The following GALNT14 variants were observed in gnomAD, a reference collection of about 807,000 sequenced individuals.
GALNT14 encodes polypeptide N-acetylgalactosaminyltransferase 14.
In GALNT14, 60 loss-of-function variants were observed where a neutral mutation model predicts 77.5. That is an observed-to-expected ratio of 0.77 (90% confidence interval 0.63 to 0.96). GALNT14 has a LOEUF of 0.96. GALNT14 is among the 40% of genes least tolerant of loss of function. The pLI is 0.00. For synonymous variants in GALNT14, 280 were observed against 281.7 expected, an observed-to-expected ratio of 0.99 and a Z score of 0.06; for missense variants, 710 against 731.0, an observed-to-expected ratio of 0.97 and a Z score of 0.33.
At chr2:31,019,835 C>A (rs761672402) in intron 1 of GALNT14, among the ~76,000 whole-genome samples, 2 of 152,058 alleles carry the variant, frequency 1.3e-5, no homozygotes, top group Admixed American at 6.6e-5. Context: ...AGGGTCATTG[C>A]GGGAATTAAG....
intron 13 of GALNT14, among the ~76,000 whole-genome samples, chr2:30,920,676 C>T (rs1001077174): frequency 6.6e-6 from 1 of 151,936 alleles, no homozygotes; most frequent in Non-Finnish European, 1.5e-5. Flanking sequence ...GGCACACATA[C>T]TCAGGGAGAT....
the GALNT14 span, among the ~76,000 whole-genome samples, chr2:30,894,212 T>A: frequency 2.0e-5 from 3 of 152,168 alleles, no homozygotes; most frequent in Admixed American, 2.0e-4. Flanking sequence ...CTCACAGCAG[T>A]TACAGGCAGG....
At chr2:30,979,232 T>G (rs1042775817) in intron 2 of GALNT14, among the ~76,000 whole-genome samples, 1 of 152,084 alleles carries the variant, frequency 6.6e-6, no homozygotes, top group Admixed American at 6.5e-5. Context: ...GCGGCTGAGT[T>G]TGGCAGCAAG....
rs573596428 is a variant in GALNT14 at position 30,956,086 on chromosome 2, C to T, written c.467-109G>A. 6.7e-5 allele frequency: 70 copies of T among 1,042,800 alleles called. No individual in the cohort carries two copies. The African/African-American group carries it at 8.8e-4, about 13-fold the overall frequency. The allele number at this position is 1,042,800 out of a possible 1,614,324, so 64.6% of individuals were successfully genotyped here. On this transcript the variant is annotated intron_variant, in intron 4 of 14. Transcript: ENST00000349752. Reference sequence around the variant, plus strand: ...AGGGTAGGTGAGGCAGCCCTGTCCACTGTCCCCTAACTGCAGAGTGCAGTC... The same window carrying T: ...AGGGTAGGTGAGGCAGCCCTGTCCATTGTCCCCTAACTGCAGAGTGCAGTC...
intron 6 of GALNT14, among the ~76,000 whole-genome samples, chr2:30,954,293 C>A (rs1667222230): frequency 6.6e-6 from 1 of 152,212 alleles, no homozygotes; most frequent in South Asian, 2.1e-4. Context: ...GGCCCTTCAA[C>A]ATTTCCCAAT....
chr2:31,128,980 A>AC lies in GALNT14; in HGVS notation c.129+8977_129+8978insG, dbSNP rs1553382276. ...AAAAATAAAATTGAAAAAAAAAAAA[A>AC]ACACACAAAGCAATGCTGGTGTTTC... On this transcript the variant is annotated intron_variant, in intron 1 of 14. Transcript: ENST00000349752. Among the ~76,000 whole-genome samples the AC allele has an allele frequency of 3.1e-3, 471 of 151,394 alleles. 4 individuals are homozygous for AC. The highest frequency in any genetic ancestry group is 0.026 in the East Asian group (135 of 5,164).
At chr2:30,958,688 C>T (rs992883996) in intron 3 of GALNT14, among the ~76,000 whole-genome samples, 1 of 152,100 alleles carries the variant, frequency 6.6e-6, no homozygotes, top group African/African-American at 2.4e-5. Context: ...AGACAGAAGC[C>T]CAGGAGTTAA....
intron 1 of GALNT14, among the ~76,000 whole-genome samples, chr2:31,021,718 C>G (rs1402778929): frequency 6.6e-6 from 1 of 152,210 alleles, no homozygotes; most frequent in Non-Finnish European, 1.5e-5. Flanking sequence ...TGCAATCACT[C>G]TGCAGACCAT....
intron 1 of GALNT14, among the ~76,000 whole-genome samples, chr2:31,041,165 G>A (rs1303004140): frequency 1.3e-5 from 2 of 152,260 alleles, no homozygotes; most frequent in East Asian, 3.9e-4. Flanking sequence ...ACATTTTTAT[G>A]AAGCACTCAC....
At chr2:30,887,192 G>A in the GALNT14 span, among the ~76,000 whole-genome samples, 386 of 152,218 alleles carry the variant, frequency 2.5e-3, no homozygotes, top group African/African-American at 8.7e-3. Context: ...AAGTGTTTGT[G>A]CATGTATTTA....
At chr2:30,927,358 A>G (rs1445063177) in intron 11 of GALNT14, among the ~76,000 whole-genome samples, 2 of 152,226 alleles carry the variant, frequency 1.3e-5, no homozygotes, top group East Asian at 1.9e-4. Flanking sequence ...GCAGCATTGC[A>G]TCACCTGCAG....
chr2:31,059,849 C>T (rs147375174), intron 1 of GALNT14, among the ~76,000 whole-genome samples: 8 of 152,334 alleles, frequency 5.3e-5, no homozygotes, highest in African/African-American at 1.9e-4. Flanking sequence ...CTTGGACTTC[C>T]CAGCCTTCAT....
chr2:31,083,363 G>T, intron 1 of GALNT14, among the ~76,000 whole-genome samples: 1 of 152,188 alleles, frequency 6.6e-6, no homozygotes, highest in East Asian at 1.9e-4. Flanking sequence ...ATCATGGTCT[G>T]GCTTTTCCCT....
intron 11 of GALNT14, 65 bp downstream of exon 11, chr2:30,929,330 G>GC: frequency 7.1e-6 from 9 of 1,276,500 alleles, no homozygotes; most frequent in Non-Finnish European, 1.0e-5. Flanking sequence ...GCACCCATTT[G>GC]CATCGGTCCT....
chr2:31,022,917 G>A (rs1024382080), intron 1 of GALNT14, among the ~76,000 whole-genome samples: 1 of 152,132 alleles, frequency 6.6e-6, no homozygotes, highest in African/African-American at 2.4e-5. Flanking sequence ...ATCAGCATGC[G>A]CTCTGTCTGC....
intron 1 of GALNT14, among the ~76,000 whole-genome samples, chr2:31,031,611 A>G (rs1447840904): frequency 6.6e-6 from 1 of 152,174 alleles, no homozygotes; most frequent in Admixed American, 6.5e-5. Flanking sequence ...AAGTTGAAGA[A>G]ATCTAGTCCC....
chr2:31,107,458 T>A (rs774580386), intron 1 of GALNT14, among the ~76,000 whole-genome samples: 1 of 152,128 alleles, frequency 6.6e-6, no homozygotes, highest in Non-Finnish European at 1.5e-5. Context: ...TTCCACAGAT[T>A]GTATCTATCC....
At chr2:30,947,621 A>G (rs1183078161) in intron 6 of GALNT14, among the ~76,000 whole-genome samples, 1 of 152,212 alleles carries the variant, frequency 6.6e-6, no homozygotes, top group Admixed American at 6.5e-5. Context: ...CATCAAAACC[A>G]GCAGGTCCCT....
chr2:31,002,658 G>A (rs149033301), intron 1 of GALNT14, among the ~76,000 whole-genome samples: 377 of 152,236 alleles, frequency 2.5e-3, no homozygotes, highest in African/African-American at 8.6e-3. Context: ...AGAGGGAGAC[G>A]GTGCAACATA....
Sources: allele counts gnomAD v4.1 joint callset (sites outside exome capture counted in the v4.1 genomes callset), GRCh38; gene constraint gnomAD v4.1.1; transcripts MANE v1.5; gene names NCBI Gene and HGNC (gene_info 2026-07-23, HGNC 2026-07-21).